The following WFS1 variants were observed in gnomAD, a reference collection of about 807,000 sequenced individuals.
WFS1 encodes the protein wolframin.
Under a neutral mutation model 68.5 loss-of-function variants are expected in WFS1, and 90 were observed. The observed-to-expected ratio is 1.31, with a 90% CI of 1.11 to 1.56. The LOEUF (loss-of-function observed/expected upper bound fraction) is 1.56. Among genes scored for constraint, WFS1 ranks in the 40% most tolerant of loss-of-function variants. WFS1 has a pLI of 0.00. For missense variants in WFS1, 1,767 were observed against 1,232.6 expected (o/e 1.43, Z -6.49); for synonymous variants, 860 against 540.7 (o/e 1.59, Z -8.19).
chr4:6,302,074 T>C lies in WFS1; in HGVS notation c.2279T>C (p.Leu760Pro). The C allele has an allele frequency of 6.2e-7, 1 of 1,612,876 alleles. No individual in the cohort carries two copies. Among genetic ancestry groups the C allele is most frequent in the South Asian group, 1.1e-5 (1 of 91,086 alleles). ...GAGGAGCTCTGTCGCCTTAAGCTGC[T>C]GGCCAAGCACCCCTGCCACATCAAG... The part of the protein sequence containing the change: ...AEEELCRLKL[L>P]AKHPCHIKKF... The change falls in exon 8 of 8, where the codon CTG becomes CCG. Residue 760 changes from leucine (L) to proline (P), a missense_variant. Leu to Pro is a moderately conservative substitution (Grantham distance 98). Coordinates refer to ENST00000226760, the MANE Select transcript of WFS1 (RefSeq NM_006005.3).
At chr4:6,275,143 A>G (rs1729956936) in intron 1 of WFS1, among the ~76,000 whole-genome samples, 1 of 152,374 alleles carries the variant, frequency 6.6e-6, no homozygotes, top group East Asian at 1.9e-4. Context: ...TACAGAGAAC[A>G]GAGCCGTTGG....
At chr4:6,279,365 C>T (rs1278059203) in intron 2 of WFS1, among the ~76,000 whole-genome samples, 1 of 152,240 alleles carries the variant, frequency 6.6e-6, no homozygotes, top group Non-Finnish European at 1.5e-5. Flanking sequence ...CCCTGGGAGG[C>T]AGGCTCTGCT....
In WFS1 at chr4:6,277,827, C is replaced by T. The variant is rs145010311; in HGVS notation, c.232+140C>T. On this transcript the variant is annotated intron_variant, in intron 2 of 7. Transcript: ENST00000226760. The stretch of plus-strand genomic sequence containing the variant: ...GTGCAGCTCCCATGCTGTGCACAGG[C>T]GTCCATCCAGTGGGGCTACCCACCT... 8.0e-4 allele frequency: 835 copies of T among 1,040,148 alleles called. 3 individuals carry two copies. The African/African-American group carries it at 0.012, about 15-fold the overall frequency. The allele number at this position is 1,040,148 out of a possible 1,614,324, so 64.4% of individuals were successfully genotyped here. A position where few individuals can be genotyped will look rare whatever the true frequency, so the allele number is the denominator to read the frequency against.
Position 6,301,592 on chromosome 4 carries a change from C to A in WFS1, c.1797C>A (p.Val599=), listed in dbSNP as rs71524361. Residue 599 remains valine, a synonymous_variant, in exon 8 of 8, where the codon GTC becomes GTA. Coordinates refer to ENST00000226760, the MANE Select transcript of WFS1 (RefSeq NM_006005.3). The part of the protein sequence containing the change: ...FTSLELTKIA[V]TVAVCSVPLL... ...CTCTGGAGCTCACCAAGATCGCAGTCACCGTGGCGGTCTGTAGTGTGCCCC... is the reference window on the plus strand; with the variant it reads ...CTCTGGAGCTCACCAAGATCGCAGTAACCGTGGCGGTCTGTAGTGTGCCCC... The A allele has an allele frequency of 2.0e-3, 3,166 of 1,614,162 alleles. 54 individuals are homozygous for A. In the African/African-American group the frequency reaches 0.036, roughly 19 times the overall value.
rs759787783 is a variant in WFS1 at position 6,300,631 on chromosome 4, G to A, written c.862-26G>A. On this transcript the variant is annotated intron_variant, in intron 7 of 7. Transcript: ENST00000226760. ...GCAGTGGGGGTCCTGTCCCAGCCTC[G>A]TTCCCACGTACCATCTTTCCCCCAG... 6.3e-5 allele frequency: 101 copies of A among 1,613,492 alleles called. 1 individual carries two copies. The Admixed American group carries it at 8.7e-4, about 14-fold the overall frequency.
Position 6,300,967 on chromosome 4 carries a change from A to G in WFS1, c.1172A>G (p.Glu391Gly), listed in dbSNP as rs755387863. ...LLRFEPNLDV[E>G]QAEVNFGWNH... is the part of the protein sequence containing the mutation. ...CGCTTCGAGCCCAACCTGGATGTGG[A>G]GCAGGCCGAGGTCAACTTCGGCTGG... Residue 391 changes from glutamate (E) to glycine (G), a missense_variant, in exon 8 of 8, where the codon GAG becomes GGG. Coordinates refer to ENST00000226760, the MANE Select transcript of WFS1 (RefSeq NM_006005.3). 6.2e-7 allele frequency: 1 copy of G among 1,613,908 alleles called. No homozygotes were observed. Among genetic ancestry groups the G allele is most frequent in the East Asian group, 2.2e-5 (1 of 44,866 alleles).
chr4:6,288,477 C>G lies in WFS1; in HGVS notation c.316-510C>G, dbSNP rs1231108926. ...ATCTCTGCCGTGTTGCTCAGCTTTG[C>G]TGTGGAGCACGTAAAAGCAGCATGG... On this transcript the variant is annotated intron_variant, in intron 3 of 7. Transcript: ENST00000226760. 5.7e-5 allele frequency: 13 copies of G among 229,318 alleles called. 1 individual carries two copies. The South Asian group carries it at 9.2e-4, about 16-fold the overall frequency. The allele number at this position is 229,318 out of a possible 1,614,324, so 14.2% of individuals were successfully genotyped here. A position where few individuals can be genotyped will look rare whatever the true frequency, so the allele number is the denominator to read the frequency against.
At chr4:6,284,572 T>C (rs181455823) in intron 2 of WFS1, among the ~76,000 whole-genome samples, 1 of 152,022 alleles carries the variant, frequency 6.6e-6, no homozygotes, top group African/African-American at 2.4e-5. Context: ...TTAGGTCAAG[T>C]AAGGAGACTT....
At chr4:6,279,599 GGTGACAGGA>G (rs1730097144) in intron 2 of WFS1, among the ~76,000 whole-genome samples, 1 of 152,182 alleles carries the variant, frequency 6.6e-6, no homozygotes, top group East Asian at 1.9e-4. Context: ...GCCAGGCCCT[GGTGACAGGA>G]GTGAAGGCTC....
chr4:6,301,046 C>T lies in WFS1; in HGVS notation c.1251C>T (p.Phe417=), dbSNP rs748946910. 2.4e-5 allele frequency: 39 copies of T among 1,614,066 alleles called. No individual in the cohort carries two copies. The South Asian group carries it at 3.7e-4, about 15-fold the overall frequency. ...TGCTCTCTGTCTTCTTCGTCATCTT[C>T]TCCTTCCCCATCGCCAGCAAGGACT... ...HFLLSVFFVI[F]SFPIASKDCI... The change falls in exon 8 of 8, where the codon TTC becomes TTT. Residue 417 remains phenylalanine (F), a synonymous_variant. Transcript: ENST00000226760.
chr4:6,270,968 C>G (rs1578580456), intron 1 of WFS1, among the ~76,000 whole-genome samples: 1 of 152,192 alleles, frequency 6.6e-6, no homozygotes, highest in Non-Finnish European at 1.5e-5. Flanking sequence ...CAGAAGCAGC[C>G]CCGTCTCTCC....
Position 6,286,787 on chromosome 4 carries a change from T to C in WFS1, c.233-306T>C, listed in dbSNP as rs551963300. Among the ~76,000 whole-genome samples, 8 of 152,330 alleles carry C rather than the reference T, an allele frequency of 5.3e-5. No homozygotes were observed. In the South Asian group the frequency reaches 1.4e-3, roughly 28 times the overall value. On this transcript the variant is annotated intron_variant, in intron 2 of 7. Coordinates refer to ENST00000226760, the MANE Select transcript of WFS1 (RefSeq NM_006005.3). ...AGGCCTAGGCCAAGGGGTGTGATGG[T>C]GGGACTTGGCTCTGTGCTCGCCTCC...
intron 1 of WFS1, among the ~76,000 whole-genome samples, chr4:6,275,853 G>C (rs1729978311): frequency 1.3e-5 from 2 of 152,218 alleles, no homozygotes; most frequent in African/African-American, 2.4e-5. Context: ...CTCAGACCTG[G>C]CTGCTCAGTG....
At chr4:6,274,591 G>A (rs577201984) in intron 1 of WFS1, among the ~76,000 whole-genome samples, 58 of 152,244 alleles carry the variant, frequency 3.8e-4, no homozygotes, top group African/African-American at 1.3e-3. Flanking sequence ...GTTTACCTGA[G>A]TAGGTGAGGA....
chr4:6,271,100 C>T (rs1729826154), intron 1 of WFS1, among the ~76,000 whole-genome samples: 1 of 152,258 alleles, frequency 6.6e-6, no homozygotes, highest in Admixed American at 6.5e-5. Flanking sequence ...TGCTGGCTGC[C>T]TGTTCTCTGC....
chr4:6,297,672 G>A (rs1339833448), intron 7 of WFS1, among the ~76,000 whole-genome samples: 1 of 152,144 alleles, frequency 6.6e-6, no homozygotes, highest in Non-Finnish European at 1.5e-5. Context: ...GGCAGCAGAA[G>A]GGCCGATCAC....
intron 2 of WFS1, among the ~76,000 whole-genome samples, chr4:6,282,556 C>T (rs996846391): frequency 6.6e-6 from 1 of 152,202 alleles, no homozygotes; most frequent in Non-Finnish European, 1.5e-5. Context: ...AGATCGCACT[C>T]TTAAGAGCAT....
chr4:6,300,681 A>G lies in WFS1; in HGVS notation c.886A>G (p.Ile296Val). Residue 296 changes from isoleucine (I) to valine (V), a missense_variant, in exon 8 of 8, where the codon ATC becomes GTC. Coordinates refer to ENST00000226760, the MANE Select transcript of WFS1 (RefSeq NM_006005.3). ...GGTGGTCAAGTACCCCCTGCACGCC[A>G]TCATGGAGATCAAGGAGTACCTGAT... Reference protein sequence around the residue: ...LKVVKYPLHAIMEIKEYLIDM... With the variant: ...LKVVKYPLHAVMEIKEYLIDM... The G allele has an allele frequency of 6.2e-7, 1 of 1,613,996 alleles. No individual in the cohort carries two copies.
Position 6,287,353 on chromosome 4 carries a change from C to G in WFS1, c.315+178C>G. Reference sequence around the variant, plus strand: ...GGTAGGGTGCCCATGTTCACTGTGCCAGTTTTCCTCCTGGCACTCCTCTGG... The same window carrying G: ...GGTAGGGTGCCCATGTTCACTGTGCGAGTTTTCCTCCTGGCACTCCTCTGG... On this transcript the variant is annotated intron_variant, in intron 3 of 7. Transcript: ENST00000226760. The surrounding 1 kb of genome is among the most constrained non-coding windows in gnomAD (Gnocchi z 6.4). The G allele has an allele frequency of 1.5e-6, 1 of 649,176 alleles. No individual in the cohort carries two copies. The allele number at this position is 649,176 out of a possible 1,614,324, so 40.2% of individuals were successfully genotyped here. A position where few individuals can be genotyped will look rare whatever the true frequency, so the allele number is the denominator to read the frequency against.
Sources: gnomAD v4.1 joint callset for allele counts (sites outside exome capture counted in the v4.1 genomes callset) on GRCh38, gnomAD v4.1.1 for gene constraint, Gnocchi (gnomAD v3.1) non-coding constraint, MANE v1.5 for transcripts, NCBI Gene and HGNC (gene_info 2026-07-23, HGNC 2026-07-21) for gene names.